ADCK2: variants seen among roughly 807,000 people sequenced by gnomAD.
ADCK2 encodes aarF domain containing kinase 2.
In ADCK2, 37 loss-of-function variants were observed where a neutral mutation model predicts 52.3. That is an observed-to-expected ratio of 0.71 (90% CI 0.54 to 0.93). The LOEUF is 0.93. ADCK2 is among the 40% of genes least tolerant of loss of function. The pLI, the probability that ADCK2 is intolerant of heterozygous loss-of-function variation, is 0.00. For missense variants in ADCK2, 695 were observed against 798.7 expected (o/e 0.87, Z 1.56); for synonymous variants, 321 against 349.2 (o/e 0.92, Z 0.90).
Position 140,673,636 on chromosome 7 carries a change from C to T in ADCK2, c.306C>T (p.Arg102=), listed in dbSNP as rs1325126720. 7 of 1,609,958 alleles carry T rather than the reference C, an allele frequency of 4.3e-6. No individual in the cohort carries two copies. The highest frequency in any genetic ancestry group is 1.3e-5 in the African/African-American group (1 of 74,934). ...GVFLHLRLWL[R]AGALLVKFFP... is the part of the protein sequence containing the mutation. Reference sequence around the variant, plus strand: ...TCCTGCATCTCCGCCTCTGGCTTCGCGCCGGCGCTCTGTTGGTGAAATTCT... The same window carrying T: ...TCCTGCATCTCCGCCTCTGGCTTCGTGCCGGCGCTCTGTTGGTGAAATTCT... Residue 102 remains arginine (R), a synonymous_variant, in exon 1 of 8, where the codon CGC becomes CGT. Coordinates refer to ENST00000072869, the MANE Select transcript of ADCK2 (RefSeq NM_052853.4). This position sits in a 1 kb window ranked among gnomAD's most constrained non-coding sequence, Gnocchi z 6.4.
chr7:140,694,852 C>T lies in ADCK2; in HGVS notation c.*49C>T. 1 of 1,562,610 alleles carries T rather than the reference C, an allele frequency of 6.4e-7. No individual in the cohort carries two copies. The highest frequency in any genetic ancestry group is 8.7e-7 in the Non-Finnish European group (1 of 1,155,968). On this transcript the variant is annotated 3_prime_UTR_variant, in exon 8 of 8. Coordinates refer to ENST00000072869, the MANE Select transcript of ADCK2 (RefSeq NM_052853.4). Reference sequence around the variant, plus strand: ...CTTGTCAAGAGCTGGAGGCCACTCCCAAGAGCCTCTCCTATGGCAGCTGGG... The same window carrying T: ...CTTGTCAAGAGCTGGAGGCCACTCCTAAGAGCCTCTCCTATGGCAGCTGGG...
At chr7:140,692,939 CCA>C (rs1319250302) in intron 7 of ADCK2, among the ~76,000 whole-genome samples, 1 of 152,072 alleles carries the variant, frequency 6.6e-6, no homozygotes, top group Non-Finnish European at 1.5e-5. Flanking sequence ...TTTTATATGC[CCA>C]CCAACAGTAC....
chr7:140,685,258 G>C (rs1175473218), intron 4 of ADCK2, among the ~76,000 whole-genome samples: 2 of 152,030 alleles, frequency 1.3e-5, no homozygotes, highest in Non-Finnish European at 2.9e-5. Context: ...AGACTAGCCT[G>C]GCCAACGTGG....
chr7:140,673,784 G>C lies in ADCK2; in HGVS notation c.454G>C (p.Ala152Pro). The change falls in exon 1 of 8, where the codon GCC (alanine) becomes CCC (proline). Residue 152 changes from alanine (A) to proline (P), a missense_variant. Coordinates refer to ENST00000072869, the MANE Select transcript of ADCK2 (RefSeq NM_052853.4). This position sits in a 1 kb window ranked among gnomAD's most constrained non-coding sequence, Gnocchi z 6.4. ...GPTYIKLGQWASTRRDLFSEA... is the reference protein window; with the variant it reads ...GPTYIKLGQWPSTRRDLFSEA... ...AACCTACATCAAACTGGGCCAGTGG[G>C]CCAGCACCCGGCGCGATCTGTTTTC... is the stretch of plus-strand genomic sequence containing the variant. 1 of 1,613,256 alleles carries C rather than the reference G, an allele frequency of 6.2e-7. No individual in the cohort carries two copies. The highest frequency in any genetic ancestry group is 8.5e-7 in the Non-Finnish European group (1 of 1,179,980).
rs756572139 is a variant in ADCK2 at position 140,690,832 on chromosome 7, G to T, written c.1740+19G>T. 3.1e-6 allele frequency: 5 copies of T among 1,612,352 alleles called. No individual in the cohort carries two copies. Among genetic ancestry groups the T allele is most frequent in the Non-Finnish European group, 3.4e-6 (4 of 1,178,674 alleles). On this transcript the variant is annotated intron_variant, in intron 7 of 7. Coordinates refer to ENST00000072869, the MANE Select transcript of ADCK2 (RefSeq NM_052853.4). ...TCACAAGGTGAGGGCCATTCAGAGG[G>T]GAGGTCTCTGGGGAAGGTGGGACGG...
In ADCK2 at chr7:140,690,798, G is replaced by A. The variant is rs752537973; in HGVS notation, c.1725G>A (p.Leu575=). Residue 575 remains leucine, a synonymous_variant, in exon 7 of 8, where the codon TTG becomes TTA. Transcript: ENST00000072869. ...GCCTTCTCTCTAGTGTCTTTAAGTTGCTGATGACTCACAAGGTGAGGGCCA... is the reference window on the plus strand; with the variant it reads ...GCCTTCTCTCTAGTGTCTTTAAGTTACTGATGACTCACAAGGTGAGGGCCA... ...VSSLLSSVFK[L]LMTHKVKLES... 1.9e-5 allele frequency: 30 copies of A among 1,613,756 alleles called. No homozygotes were observed. In the East Asian group the frequency reaches 6.5e-4, roughly 35 times the overall value.
At position 140,674,860 on chromosome 7, in the gene ADCK2, C is replaced by T; in HGVS notation, c.1080+103C>T. ...TGAATAATTTTCTGGTATGTCATAA[C>T]TCATGTGATGTGTTAGAGCTGGTAA... On this transcript the variant is annotated intron_variant, in intron 2 of 7. Coordinates refer to ENST00000072869, the MANE Select transcript of ADCK2 (RefSeq NM_052853.4). This position sits in a 1 kb window ranked among gnomAD's most constrained non-coding sequence, Gnocchi z 4.6. The T allele has an allele frequency of 1.5e-6, 2 of 1,373,990 alleles. No homozygotes were observed. Among genetic ancestry groups the T allele is most frequent in the Non-Finnish European group, 2.0e-6 (2 of 1,013,432 alleles). The allele number at this position is 1,373,990 out of a possible 1,614,324, so 85.1% of individuals were successfully genotyped here. A position where few individuals can be genotyped will look rare whatever the true frequency, so the allele number is the denominator to read the frequency against.
rs1362095784 is a variant in ADCK2 at position 140,688,854 on chromosome 7, T to C, written c.1558-743T>C. ...TTCGGCAAGGCCTCTGCAGAGTCAA[T>C]TGAAAGCACTACGTCGTGGGTGACT... On this transcript the variant is annotated intron_variant, in intron 5 of 7. Coordinates refer to ENST00000072869, the MANE Select transcript of ADCK2 (RefSeq NM_052853.4). 5.3e-5 allele frequency among the ~76,000 whole-genome samples: 8 copies of C among 152,190 alleles called. No homozygotes were observed. The South Asian group carries it at 8.3e-4, about 16-fold the overall frequency.
chr7:140,688,337 C>G (rs1794644123), intron 5 of ADCK2, among the ~76,000 whole-genome samples: 3 of 152,120 alleles, frequency 2.0e-5, no homozygotes, highest in Admixed American at 2.0e-4. Context: ...AGCCACTGCA[C>G]CCAGCCAGAA....
At chr7:140,680,989 C>T in intron 3 of ADCK2, 53 bp from the exon 4 acceptor site, 1 of 1,543,168 alleles carries the variant, frequency 6.5e-7, no homozygotes, top group Non-Finnish European at 9.0e-7. Flanking sequence ...GAGGAGGAGC[C>T]AGCATCACAG....
rs1449145266 is a variant in ADCK2 at position 140,673,467 on chromosome 7, C to G, written c.137C>G (p.Thr46Ser). ...AGGCTCTGCTGGCTTCTGCTGGGCA[C>G]TTTGCCCAAGGTCGTCTCCCTGTGC... ...DARLCWLLLG[T>S]LPKVVSLCGD... The change falls in exon 1 of 8, where the codon ACT (threonine) becomes AGT (serine). Residue 46 changes from threonine (T) to serine (S), a missense_variant. Physicochemically the swap from Thr to Ser is moderately conservative, Grantham distance 58 (BLOSUM62 1). Coordinates refer to ENST00000072869, the MANE Select transcript of ADCK2 (RefSeq NM_052853.4). The surrounding 1 kb of genome is among the most constrained non-coding windows in gnomAD (Gnocchi z 6.4). The G allele has an allele frequency of 1.9e-6, 3 of 1,609,100 alleles. No individual in the cohort carries two copies. The highest frequency in any genetic ancestry group is 2.5e-6 in the Non-Finnish European group (3 of 1,178,388).
At chr7:140,677,644 T>C (rs1366310987) in intron 2 of ADCK2, among the ~76,000 whole-genome samples, 1 of 152,174 alleles carries the variant, frequency 6.6e-6, no homozygotes, top group Non-Finnish European at 1.5e-5. Context: ...AGGATATGCA[T>C]AGGTTATATG....
In ADCK2 at chr7:140,694,677, C is replaced by T. The variant is rs756843510; in HGVS notation, c.1755C>T (p.Ser585=). The T allele has an allele frequency of 3.0e-5, 49 of 1,613,848 alleles. No homozygotes were observed. The highest frequency in any genetic ancestry group is 4.2e-5 in the Non-Finnish European group (49 of 1,179,832). ...LLMTHKVKLE[S]NFASIVFAIM... is the part of the protein sequence containing the mutation. Reference sequence around the variant, plus strand: ...TTCTGTTCCAGGTAAAGCTTGAGAGCAACTTTGCCTCCATTGTGTTTGCCA... The same window carrying T: ...TTCTGTTCCAGGTAAAGCTTGAGAGTAACTTTGCCTCCATTGTGTTTGCCA... Residue 585 remains serine (S), a synonymous_variant, in exon 8 of 8, where the codon AGC becomes AGT. Coordinates refer to ENST00000072869, the MANE Select transcript of ADCK2 (RefSeq NM_052853.4).
In ADCK2 at chr7:140,681,155, G is replaced by A. The variant is rs758998131; in HGVS notation, c.1305+18G>A. 6.2e-7 allele frequency: 1 copy of A among 1,612,634 alleles called. No individual in the cohort carries two copies. The highest frequency in any genetic ancestry group is 1.1e-5 in the South Asian group (1 of 91,006). On this transcript the variant is annotated intron_variant, in intron 4 of 7. Transcript: ENST00000072869. Reference sequence around the variant, plus strand: ...TGAAGATGGTGAGCTCATGGCTGGAGCGGGCTCAGGCCCAGCATGTGGTCA... The same window carrying A: ...TGAAGATGGTGAGCTCATGGCTGGAACGGGCTCAGGCCCAGCATGTGGTCA...
intron 4 of ADCK2, among the ~76,000 whole-genome samples, chr7:140,683,832 A>C (rs1217089904): frequency 1.3e-5 from 2 of 152,014 alleles, no homozygotes; most frequent in African/African-American, 4.8e-5. Context: ...AGCCGTCCCC[A>C]CCCCCAGCAA....
At position 140,694,869 on chromosome 7, in the gene ADCK2, G is replaced by A; in HGVS notation, c.*66G>A. On this transcript the variant is annotated 3_prime_UTR_variant, in exon 8 of 8. Coordinates refer to ENST00000072869, the MANE Select transcript of ADCK2 (RefSeq NM_052853.4). ...GCCACTCCCAAGAGCCTCTCCTATG[G>A]CAGCTGGGACGTTTTAAAATTGGGA... 6.5e-7 allele frequency: 1 copy of A among 1,529,914 alleles called. No individual in the cohort carries two copies. The highest frequency in any genetic ancestry group is 8.8e-7 in the Non-Finnish European group (1 of 1,141,610). The allele number at this position is 1,529,914 out of a possible 1,614,324, so 94.8% of individuals were successfully genotyped here. A position where few individuals can be genotyped will look rare whatever the true frequency, so the allele number is the denominator to read the frequency against.
At position 140,678,531 on chromosome 7, in the gene ADCK2, A is replaced by T. The variant is rs887897572; in HGVS notation, c.1081-624A>T. On this transcript the variant is annotated intron_variant, in intron 2 of 7. Coordinates refer to ENST00000072869, the MANE Select transcript of ADCK2 (RefSeq NM_052853.4). This position sits in a 1 kb window ranked among gnomAD's most constrained non-coding sequence, Gnocchi z 4.9. The stretch of plus-strand genomic sequence containing the variant: ...TGGGGGCACAGGAGACCCAGCCAAG[A>T]CAGGACAGCGAGAGGCAGCAGGGGT... Among the ~76,000 whole-genome samples, 1 of 152,162 alleles carries T rather than the reference A, an allele frequency of 6.6e-6. No individual in the cohort carries two copies. Among genetic ancestry groups the T allele is most frequent in the African/African-American group, 2.4e-5 (1 of 41,436 alleles).
rs1253424944 is a variant in ADCK2, at chr7:140,679,285, T to C, written c.1209+2T>C. The stretch of plus-strand genomic sequence containing the variant: ...GAAGTCTTGGTGGAAACGTATGAAG[T>C]AAGAGTGATGGCTTTGCCTGGCCAT... On this transcript the variant is annotated splice_donor_variant, in intron 3 of 7. Coordinates refer to ENST00000072869, the MANE Select transcript of ADCK2 (RefSeq NM_052853.4). LOFTEE classifies it high-confidence loss of function. 1.9e-6 allele frequency: 3 copies of C among 1,613,782 alleles called. No homozygotes were observed. In the East Asian group the frequency reaches 6.7e-5, roughly 36 times the overall value.
intron 2 of ADCK2, 58 bp from the exon 3 acceptor site, chr7:140,679,097 G>T: frequency 6.3e-7 from 1 of 1,590,800 alleles, no homozygotes; most frequent in East Asian, 2.2e-5. Flanking sequence ...TGGCATTGCA[G>T]ATGTCACTGT....
Sources: gnomAD v4.1 joint callset for allele counts (sites outside exome capture counted in the v4.1 genomes callset) on GRCh38, gnomAD v4.1.1 for gene constraint, Gnocchi (gnomAD v3.1) non-coding constraint, MANE v1.5 for transcripts, NCBI Gene and HGNC (gene_info 2026-07-23, HGNC 2026-07-21) for gene names.